The following EIPR1 variants were observed in gnomAD, a reference collection of about 807,000 sequenced individuals.
EIPR1 encodes the protein EARP and GARP complex-interacting protein 1.
EIPR1 carries 25 observed loss-of-function variants against 48.1 expected under a neutral mutation model. The ratio of observed to expected loss-of-function variants is 0.52; its 90% CI spans 0.38 to 0.73. The LOEUF (loss-of-function observed/expected upper bound fraction) is 0.73, where lower values mean the gene tolerates loss of function less well. Among genes scored for constraint, EIPR1 ranks in the 30% least tolerant of loss-of-function variants. The pLI, the probability that EIPR1 is intolerant of heterozygous loss-of-function variation, is 0.00. For missense variants in EIPR1, 415 were observed against 506.2 expected, an observed-to-expected ratio of 0.82 and a Z score of 1.73; for synonymous variants, 204 against 201.9, an observed-to-expected ratio of 1.01 and a Z score of -0.09.
chr2:3,348,738 G>A (rs960411009), intron 2 of EIPR1, among the ~76,000 whole-genome samples: 4 of 152,226 alleles, frequency 2.6e-5, no homozygotes, highest in Non-Finnish European at 4.4e-5. Flanking sequence ...GGGAATCAAC[G>A]ACTGAAAGGA....
At chr2:3,329,703 C>T (rs540801725) in intron 3 of EIPR1, among the ~76,000 whole-genome samples, 30 of 152,108 alleles carry the variant, frequency 2.0e-4, no homozygotes, top group Non-Finnish European at 3.8e-4. Context: ...CTCAGGGCAC[C>T]AGCCTGGGCT....
At chr2:3,257,267 G>C (rs199633996) in intron 4 of EIPR1, 32 bp downstream of exon 4, 1 of 1,600,668 alleles carries the variant, frequency 6.2e-7, no homozygotes, top group Non-Finnish European at 8.5e-7. Flanking sequence ...CTGCAGGCTC[G>C]TTCTGGGCGC....
intron 3 of EIPR1, among the ~76,000 whole-genome samples, chr2:3,303,582 A>T (rs1668822602): frequency 6.6e-6 from 1 of 152,234 alleles, no homozygotes; most frequent in Non-Finnish European, 1.5e-5. Flanking sequence ...CGAAACTGGA[A>T]AATAGATTTC....
intron 2 of EIPR1, among the ~76,000 whole-genome samples, chr2:3,345,420 T>C (rs1187049777): frequency 2.7e-5 from 4 of 150,164 alleles, no homozygotes; most frequent in African/African-American, 9.8e-5. Flanking sequence ...AGGTCAGGAG[T>C]TCAAGACTAG....
chr2:3,194,107 G>T lies in EIPR1; in HGVS notation c.713C>A (p.Pro238His). ...GCTGGCCAAGTAGTACTGCTTATTG[G>T]GATTAAAGTCAAGGTCCCGCACCAG... The part of the protein sequence containing the change: ...GQLVRDLDFN[P>H]NKQYYLASCG... Residue 238 changes from proline to histidine, a missense_variant, in exon 7 of 9, where the codon CCC becomes CAC. Pro to His is a moderately conservative substitution (Grantham distance 77, BLOSUM62 -2). Transcript: ENST00000382125. 1.2e-6 allele frequency: 2 copies of T among 1,613,910 alleles called. No individual in the cohort carries two copies. The highest frequency in any genetic ancestry group is 1.7e-6 in the Non-Finnish European group (2 of 1,180,006).
At chr2:3,210,434 C>T (rs1665405415) in intron 5 of EIPR1, among the ~76,000 whole-genome samples, 1 of 152,062 alleles carries the variant, frequency 6.6e-6, no homozygotes, top group South Asian at 2.1e-4. Flanking sequence ...TCTGTGTTGC[C>T]ACAGAGGACA....
intron 3 of EIPR1, among the ~76,000 whole-genome samples, chr2:3,337,067 G>A (rs1426182328): frequency 1.4e-5 from 2 of 141,358 alleles, no homozygotes; most frequent in South Asian, 2.4e-4. Flanking sequence ...AAAAAGAAGG[G>A]AAGGGGGAAG....
At chr2:3,360,628 C>T (rs924760695) in intron 1 of EIPR1, among the ~76,000 whole-genome samples, 2 of 152,178 alleles carry the variant, frequency 1.3e-5, no homozygotes, top group African/African-American at 4.8e-5. Context: ...ACACCATTCC[C>T]TTGGGAAACT....
chr2:3,321,080 G>A (rs1004540552), intron 3 of EIPR1, among the ~76,000 whole-genome samples: 1 of 152,208 alleles, frequency 6.6e-6, no homozygotes, highest in Non-Finnish European at 1.5e-5. Flanking sequence ...TCCACCTGAA[G>A]CATGCTGCTG....
chr2:3,264,415 T>C (rs1018558117), intron 3 of EIPR1, among the ~76,000 whole-genome samples: 3 of 152,222 alleles, frequency 2.0e-5, no homozygotes, highest in African/African-American at 7.2e-5. Context: ...TTCCTTATTG[T>C]AATGAATGTC....
rs540894721 is a variant in EIPR1 at position 3,360,415 on chromosome 2, AAAAG to A, written c.43-5786_43-5783del. On this transcript the variant is annotated intron_variant, in intron 1 of 8. Coordinates refer to ENST00000382125, the MANE Select transcript of EIPR1 (RefSeq NM_003310.5). ...GTGAGACTCCATCTCAAAAAAAAAA[AAAAG>A]AAAGAAAGAAAGAAAGGCCAAGGCA... is the stretch of plus-strand genomic sequence containing the variant. Among the ~76,000 whole-genome samples, 180 of 150,250 alleles carry A rather than the reference AAAAG, an allele frequency of 1.2e-3. 1 individual carries two copies. The highest frequency in any genetic ancestry group is 4.3e-3 in the Admixed American group (65 of 15,090).
intron 1 of EIPR1, among the ~76,000 whole-genome samples, chr2:3,370,767 G>A (rs1477168067): frequency 6.6e-6 from 1 of 152,236 alleles, no homozygotes; most frequent in Non-Finnish European, 1.5e-5. Context: ...CCTGATTGGT[G>A]TACCTGAAAG....
chr2:3,326,008 G>A (rs558979739), intron 3 of EIPR1, among the ~76,000 whole-genome samples: 2 of 152,326 alleles, frequency 1.3e-5, no homozygotes, highest in South Asian at 4.1e-4. Context: ...GGGCTTTGTT[G>A]CCTGTGCCAG....
intron 4 of EIPR1, among the ~76,000 whole-genome samples, chr2:3,239,085 G>A (rs532712091): frequency 1.1e-4 from 17 of 152,184 alleles, no homozygotes; most frequent in Non-Finnish European, 1.8e-4. Flanking sequence ...CCAAGGATGG[G>A]ACGCAACCTG....
At chr2:3,310,636 G>A (rs1225224151) in intron 3 of EIPR1, among the ~76,000 whole-genome samples, 7 of 124,190 alleles carry the variant, frequency 5.6e-5, no homozygotes, top group African/African-American at 2.3e-4. Context: ...CTGGGCGACA[G>A]AGCCAGACTC....
Position 3,214,131 on chromosome 2 carries a change from GTT to G in EIPR1, c.516+16_516+17del, listed in dbSNP as rs773226936. On this transcript the variant is annotated intron_variant, in intron 5 of 8. Transcript: ENST00000382125. ...TTAAAAATACAGAAACAAACGCTGT[GTT>G]GTTGCTTTTACTTACCACAGCCTGG... 1.2e-6 allele frequency: 2 copies of G among 1,607,492 alleles called. No individual in the cohort carries two copies. The highest frequency in any genetic ancestry group is 2.7e-5 in the African/African-American group (2 of 74,892).
intron 3 of EIPR1, among the ~76,000 whole-genome samples, chr2:3,302,841 G>A (rs771596141): frequency 3.3e-5 from 5 of 152,214 alleles, no homozygotes; most frequent in African/African-American, 7.2e-5. Flanking sequence ...CCAGCAGGGC[G>A]TCTGGCATGC....
At chr2:3,200,572 G>A (rs896038903) in intron 5 of EIPR1, among the ~76,000 whole-genome samples, 5 of 151,940 alleles carry the variant, frequency 3.3e-5, no homozygotes, top group African/African-American at 1.2e-4. Flanking sequence ...AACGCCAGGA[G>A]CACACAGAGG....
intron 3 of EIPR1, among the ~76,000 whole-genome samples, chr2:3,325,891 C>G (rs1334184000): frequency 6.6e-6 from 1 of 152,282 alleles, no homozygotes; most frequent in African/African-American, 2.4e-5. Context: ...GCCACCCACC[C>G]CTGGAGGTGC....
Sources: gnomAD v4.1 joint callset for allele counts (sites outside exome capture counted in the v4.1 genomes callset) on GRCh38, gnomAD v4.1.1 for gene constraint, MANE v1.5 for transcripts, NCBI Gene and HGNC (gene_info 2026-07-23, HGNC 2026-07-21) for gene names.